The following PDE6A variants were observed in gnomAD, a reference collection of about 807,000 sequenced individuals.
PDE6A encodes phosphodiesterase 6A.
In PDE6A, 84 loss-of-function variants were observed where a neutral mutation model predicts 106.3. The ratio of observed to expected loss-of-function variants is 0.79; its 90% CI spans 0.66 to 0.95. The LOEUF is 0.95. Among genes scored for constraint, PDE6A ranks in the 40% least tolerant of loss-of-function variants. The pLI, the probability that PDE6A is intolerant of heterozygous loss-of-function variation, is 0.00. For synonymous variants in PDE6A, 394 were observed against 386.6 expected, an observed-to-expected ratio of 1.02 and a Z score of -0.23; for missense variants, 1,052 against 1,084.9, an observed-to-expected ratio of 0.97 and a Z score of 0.43.
At position 149,906,519 on chromosome 5, in the gene PDE6A, C is replaced by CAAA. The variant is rs560905491; in HGVS notation, c.1065+790_1065+792dup. On this transcript the variant is annotated intron_variant, in intron 7 of 21. Coordinates refer to ENST00000255266, the MANE Select transcript of PDE6A (RefSeq NM_000440.3). ...CCAGCCTGGGCAACAGAGACACTGT[C>CAAA]AAAAAAAAAAAAAAAAAAATCCCAC... 2.0e-3 allele frequency among the ~76,000 whole-genome samples: 109 copies of CAAA among 54,220 alleles called. 7 individuals are homozygous for CAAA. Among genetic ancestry groups the CAAA allele is most frequent in the South Asian group, 0.014 (22 of 1,582 alleles). 35.6% of individuals were successfully genotyped at this position (54,220 alleles called of 152,430 possible). A position where few individuals can be genotyped will look rare whatever the true frequency, so the allele number is the denominator to read the frequency against.
In PDE6A at chr5:149,907,374, G is replaced by A. The variant is rs1292642100; in HGVS notation, c.1003C>T (p.Pro335Ser). 1.2e-6 allele frequency: 2 copies of A among 1,613,768 alleles called. No homozygotes were observed. Among genetic ancestry groups the A allele is most frequent in the South Asian group, 2.2e-5 (2 of 91,080 alleles). The stretch of plus-strand genomic sequence containing the variant: ...ACTAAAGCCCAATGGTCAGGAGGTG[G>A]ATTCCTGTGAAGGCCAAAGACAAAA... The part of the protein sequence containing the change: ...GKEDIKVIPN[P>S]PPDHWALVSG... The change falls in exon 7 of 22, where the codon CCA becomes TCA. Residue 335 changes from proline (P) to serine (S), a missense_variant. Around this residue, in one of 3 missense-constraint regions of PDE6A, gnomAD observed 913 missense variants for 915.2 expected, o/e 1.00. Transcript: ENST00000255266.
intron 17 of PDE6A, among the ~76,000 whole-genome samples, chr5:149,870,453 G>GC (rs1389077654): frequency 2.0e-5 from 3 of 152,160 alleles, no homozygotes; most frequent in African/African-American, 4.8e-5. Flanking sequence ...GCATATAAGA[G>GC]TCACTGGCTC....
At chr5:149,898,126 C>G (rs139535624) in intron 10 of PDE6A, among the ~76,000 whole-genome samples, 134 of 152,340 alleles carry the variant, frequency 8.8e-4, no homozygotes, top group African/African-American at 3.2e-3. Context: ...CCAGGCCACA[C>G]AGTGCAGTCG....
chr5:149,879,327 C>G (rs569555322), intron 17 of PDE6A, among the ~76,000 whole-genome samples: 1 of 152,184 alleles, frequency 6.6e-6, no homozygotes, highest in Non-Finnish European at 1.5e-5. Context: ...CTGCCTCAGC[C>G]TCCCAAAGTG....
rs116949378 is a variant in PDE6A, at chr5:149,863,583, G to T, written c.2359-317C>A. On this transcript the variant is annotated intron_variant, in intron 20 of 21. Coordinates refer to ENST00000255266, the MANE Select transcript of PDE6A (RefSeq NM_000440.3). The surrounding 1 kb of genome is among the most constrained non-coding windows in gnomAD (Gnocchi z 4.7). ...AGCAATCCAAATCTCTTAGTTCCTG[G>T]AGTGTGTCCTCCATTCTGTGAGCCT... Among the ~76,000 whole-genome samples the T allele has an allele frequency of 1.4e-3, 215 of 151,824 alleles. 4 individuals carry two copies. The East Asian group carries it at 0.034, about 24-fold the overall frequency.
chr5:149,878,237 C>T (rs1000824691), intron 17 of PDE6A, among the ~76,000 whole-genome samples: 4 of 151,876 alleles, frequency 2.6e-5, no homozygotes, highest in Non-Finnish European at 5.9e-5. Flanking sequence ...GTATGTGTGC[C>T]GTCAGCTGAA....
rs1458589192 is a variant in PDE6A at position 149,907,479 on chromosome 5, T to C, written c.999-101A>G. 84 of 888,438 alleles carry C rather than the reference T, an allele frequency of 9.5e-5. 1 individual carries two copies. The highest frequency in any genetic ancestry group is 8.2e-4 in the South Asian group (61 of 74,658). 55.0% of individuals were successfully genotyped at this position (888,438 alleles called of 1,614,324 possible). ...CGCTCCCCCTGCTCTCAGGTGGCTCTCAGCACCTGCTTACATTCACTACAC... is the reference window on the plus strand; with the variant it reads ...CGCTCCCCCTGCTCTCAGGTGGCTCCCAGCACCTGCTTACATTCACTACAC... On this transcript the variant is annotated intron_variant, in intron 6 of 21. Transcript: ENST00000255266.
At position 149,926,542 on chromosome 5, in the gene PDE6A, C is replaced by T. The variant is rs535568435; in HGVS notation, c.858+4486G>A. ...AAACAATAAAGCTTTTAGAATTTGACATATGTAAATATCTCTACAATCTTA... is the reference window on the plus strand; with the variant it reads ...AAACAATAAAGCTTTTAGAATTTGATATATGTAAATATCTCTACAATCTTA... On this transcript the variant is annotated intron_variant, in intron 4 of 21. Transcript: ENST00000255266. 5.0e-4 allele frequency among the ~76,000 whole-genome samples: 76 copies of T among 152,282 alleles called. No individual in the cohort carries two copies. In the Middle Eastern group the frequency reaches 0.017, roughly 34 times the overall value.
chr5:149,896,371 A>G lies in PDE6A; in HGVS notation c.1605T>C (p.Phe535=), dbSNP rs749460470. ...MYYELKVVDK[F]HIPQEALVRF... ...TTGACCTCACCTCTTGTGGAATGTG[A>G]AATTTATCCACCACTTTGAGCTCAT... The change falls in exon 12 of 22, where the codon TTT becomes TTC. Residue 535 remains phenylalanine, a synonymous_variant. Coordinates refer to ENST00000255266, the MANE Select transcript of PDE6A (RefSeq NM_000440.3). The G allele has an allele frequency of 3.7e-6, 6 of 1,613,888 alleles. No individual in the cohort carries two copies. Among genetic ancestry groups the G allele is most frequent in the Admixed American group, 1.7e-5 (1 of 60,010 alleles).
chr5:149,912,835 A>C (rs1332679707), intron 6 of PDE6A, among the ~76,000 whole-genome samples: 1 of 152,156 alleles, frequency 6.6e-6, no homozygotes, highest in African/African-American at 2.4e-5. Flanking sequence ...CATAATAAAA[A>C]ACCTAAAACG....
chr5:149,897,246 C>A (rs1174860462), intron 10 of PDE6A, among the ~76,000 whole-genome samples: 2 of 152,338 alleles, frequency 1.3e-5, no homozygotes, highest in East Asian at 3.9e-4. Flanking sequence ...AGTTCTTCCT[C>A]TCATTTACTG....
intron 1 of PDE6A, among the ~76,000 whole-genome samples, chr5:149,937,568 G>A: frequency 6.6e-6 from 1 of 152,114 alleles, no homozygotes; most frequent in East Asian, 1.9e-4. Context: ...TGTAACACTA[G>A]GATTTTGCTG....
chr5:149,865,062 A>G (rs1212543768), intron 20 of PDE6A, among the ~76,000 whole-genome samples: 1 of 152,078 alleles, frequency 6.6e-6, no homozygotes, highest in Non-Finnish European at 1.5e-5. Context: ...CAACAAGGCA[A>G]AACCCCGTCT....
At chr5:149,919,085 T>C (rs1753633077) in intron 5 of PDE6A, among the ~76,000 whole-genome samples, 2 of 152,302 alleles carry the variant, frequency 1.3e-5, no homozygotes, top group South Asian at 4.1e-4. Context: ...GACATCTTTG[T>C]CTTGCCTTAG....
At position 149,896,594 on chromosome 5, in the gene PDE6A, TGGAA is replaced by T. The variant is rs1405008227; in HGVS notation, c.1474-96_1474-93del. The T allele has an allele frequency of 3.1e-6, 5 of 1,613,680 alleles. No homozygotes were observed. The African/African-American group carries it at 6.7e-5, about 22-fold the overall frequency. On this transcript the variant is annotated intron_variant, in intron 11 of 21. Coordinates refer to ENST00000255266, the MANE Select transcript of PDE6A (RefSeq NM_000440.3). ...AGCCCTGTCCCCATCCTGGGTCTGC[TGGAA>T]GGATCAGAACAGAGTGATGGGGAAC...
At chr5:149,888,226 C>T (rs1410540969) in intron 13 of PDE6A, among the ~76,000 whole-genome samples, 1 of 152,080 alleles carries the variant, frequency 6.6e-6, no homozygotes, top group Non-Finnish European at 1.5e-5. Flanking sequence ...ATATTTGGGA[C>T]TGTTACTAAA....
intron 1 of PDE6A, among the ~76,000 whole-genome samples, chr5:149,940,529 C>CTTTT (rs1561792071): frequency 2.6e-5 from 3 of 114,074 alleles, no homozygotes; most frequent in African/African-American, 1.1e-4. Flanking sequence ...GACAGTTTTG[C>CTTTT]TCTTGTTGCC....
rs1760124398 is a variant in PDE6A, at chr5:149,861,087, TAAC to T, written c.2507-119_2507-117del. 11 of 826,384 alleles carry T rather than the reference TAAC, an allele frequency of 1.3e-5. No homozygotes were observed. In the South Asian group the frequency reaches 1.4e-4, roughly 11 times the overall value. 51.2% of individuals were successfully genotyped at this position (826,384 alleles called of 1,614,324 possible). On this transcript the variant is annotated intron_variant, in intron 21 of 21. Coordinates refer to ENST00000255266, the MANE Select transcript of PDE6A (RefSeq NM_000440.3). ...TCAAAGGCTTTCAGTGGCCAACAGA[TAAC>T]AACACATGCAGAAGGCAAACCAGGT... is the stretch of plus-strand genomic sequence containing the variant.
intron 5 of PDE6A, among the ~76,000 whole-genome samples, chr5:149,917,984 T>C (rs1753603388): frequency 6.6e-6 from 1 of 152,204 alleles, no homozygotes; most frequent in African/African-American, 2.4e-5. Context: ...TCAAGGCAGC[T>C]ACTGTGGAAC....
Sources: allele counts gnomAD v4.1 joint callset (sites outside exome capture counted in the v4.1 genomes callset), GRCh38; gene constraint gnomAD v4.1.1; regional missense constraint gnomAD v4.1.1; non-coding constraint Gnocchi (gnomAD v3.1); transcripts MANE v1.5; gene names NCBI Gene and HGNC (gene_info 2026-07-23, HGNC 2026-07-21).